PDE12: variants seen among roughly 807,000 people sequenced by gnomAD.
PDE12 encodes the protein 2',5'-phosphodiesterase 12.
A neutral mutation model predicts 45.4 loss-of-function variants in PDE12; 26 were observed. The ratio of observed to expected loss-of-function variants is 0.57; its 90% CI spans 0.42 to 0.79. The LOEUF is 0.79. Among genes scored for constraint, PDE12 ranks in the 30% least tolerant of loss-of-function variants. The pLI is 0.00. For missense variants in PDE12, 668 were observed against 790.0 expected (o/e 0.85, Z 1.85); for synonymous variants, 283 against 323.9 (o/e 0.87, Z 1.36).
At chr3:57,634,325 C>T in the PDE12 span, among the ~76,000 whole-genome samples, 1 of 151,046 alleles carries the variant, frequency 6.6e-6, no homozygotes, top group African/African-American at 2.4e-5. Flanking sequence ...TCCAGCTGCT[C>T]AGGAGGCTGA....
At chr3:57,573,739 G>A in the PDE12 span, among the ~76,000 whole-genome samples, 4 of 151,660 alleles carry the variant, frequency 2.6e-5, no homozygotes, top group Non-Finnish European at 5.9e-5. Flanking sequence ...GCACCACCAC[G>A]ACCAGCTAAT....
At chr3:57,577,415 T>C in the PDE12 span, 1 of 1,585,786 alleles carries the variant, frequency 6.3e-7, no homozygotes, top group East Asian at 2.2e-5. Context: ...CAGTAAATTT[T>C]AACAGTTAAA....
At chr3:57,596,825 G>A in the PDE12 span, 68,656 of 497,936 alleles carry the variant, frequency 0.14, 5,292 homozygotes, top group South Asian at 0.21. Flanking sequence ...AGATCAAGGA[G>A]AAAAAGCCGA....
chr3:57,620,404 A>T, the PDE12 span, among the ~76,000 whole-genome samples: 1 of 152,148 alleles, frequency 6.6e-6, no homozygotes, highest in African/African-American at 2.4e-5. Context: ...AAAGGTTTTA[A>T]AAAAGAAAAT....
At chr3:57,614,596 T>A in the PDE12 span, among the ~76,000 whole-genome samples, 1,649 of 139,866 alleles carry the variant, frequency 0.012, 30 homozygotes, top group African/African-American at 0.042. Flanking sequence ...CAGACTGGAG[T>A]GCAGTGGCGC....
At chr3:57,582,666 G>C in the PDE12 span, among the ~76,000 whole-genome samples, 1 of 152,070 alleles carries the variant, frequency 6.6e-6, no homozygotes, top group Non-Finnish European at 1.5e-5. Context: ...AACCCCACTT[G>C]TATGCAATGT....
At chr3:57,559,128 G>A (rs1299714507) in intron 1 of PDE12, among the ~76,000 whole-genome samples, 182 bp from the exon 2 acceptor site, 1 of 152,114 alleles carries the variant, frequency 6.6e-6, no homozygotes, top group African/African-American at 2.4e-5. Flanking sequence ...GGCAGAGGCA[G>A]GGGAATCGCT....
Position 57,556,950 on chromosome 3 carries a change from G to T in PDE12, c.571G>T (p.Ala191Ser). Residue 191 changes from alanine to serine, a missense_variant, in exon 1 of 3, where the codon GCC becomes TCC. By Grantham distance (99) the Ala-to-Ser change is moderately conservative. Around this residue, in one of 3 missense-constraint regions of PDE12, gnomAD observed 580 missense variants for 662.9 expected, o/e 0.87. Transcript: ENST00000311180. The surrounding 1 kb of genome is among the most constrained non-coding windows in gnomAD (Gnocchi z 5.0). The stretch of plus-strand genomic sequence containing the variant: ...ACTCAGCCTCGAATTTGGGGATCCC[G>T]CCAGCTCCCTTTTCCGCTGGTATAA... ...PKLSLEFGDP[A>S]SSLFRWYKEA... 3 of 1,614,164 alleles carry T rather than the reference G, an allele frequency of 1.9e-6. No individual in the cohort carries two copies. Among genetic ancestry groups the T allele is most frequent in the Non-Finnish European group, 2.5e-6 (3 of 1,180,038 alleles).
chr3:57,559,436 T>C lies in PDE12; in HGVS notation c.1387+48T>C, dbSNP rs757821156. On this transcript the variant is annotated intron_variant, in intron 2 of 2. Coordinates refer to ENST00000311180, the MANE Select transcript of PDE12 (RefSeq NM_177966.7). ...AGTGACTTAAACACGCTTAAAGTTG[T>C]TTAAAGTGTTTTACACAAATGCATA... The C allele has an allele frequency of 5.8e-6, 9 of 1,547,132 alleles. No individual in the cohort carries two copies. In the South Asian group the frequency reaches 1.0e-4, roughly 17 times the overall value.
the PDE12 span, chr3:57,600,080 C>G: frequency 3.3e-5 from 5 of 151,990 alleles, no homozygotes; most frequent in Admixed American, 6.6e-5. Flanking sequence ...GTCACCCAAG[C>G]TGAAGTACAG....
chr3:57,618,313 T>C, the PDE12 span, among the ~76,000 whole-genome samples: 1 of 152,206 alleles, frequency 6.6e-6, no homozygotes, highest in African/African-American at 2.4e-5. Context: ...ATAAATGAGG[T>C]TAATAACAGG....
Position 57,561,026 on chromosome 3 carries a change from G to T in PDE12, c.*1022G>T. Reference sequence around the variant, plus strand: ...TTAGTTTTTAGTGTATGGTACAAATGAACACAGTTTATATTCTAATTCTTA... The same window carrying T: ...TTAGTTTTTAGTGTATGGTACAAATTAACACAGTTTATATTCTAATTCTTA... On this transcript the variant is annotated 3_prime_UTR_variant, in exon 3 of 3. Transcript: ENST00000311180. The T allele has an allele frequency of 1.0e-6, 1 of 975,702 alleles. No individual in the cohort carries two copies. Among genetic ancestry groups the T allele is most frequent in the Non-Finnish European group, 1.2e-6 (1 of 820,760 alleles). 60.4% of individuals were successfully genotyped at this position (975,702 alleles called of 1,614,324 possible).
At chr3:57,605,270 C>A in the PDE12 span, among the ~76,000 whole-genome samples, 1 of 152,004 alleles carries the variant, frequency 6.6e-6, no homozygotes, top group Admixed American at 6.6e-5. Flanking sequence ...GAGAGCAGCA[C>A]AGAAAGAGAG....
the PDE12 span, among the ~76,000 whole-genome samples, chr3:57,653,468 G>A: frequency 1.3e-4 from 20 of 152,126 alleles, no homozygotes; most frequent in South Asian, 1.2e-3. Flanking sequence ...GTAGTAGGCC[G>A]GGCGCGGTGG....
the PDE12 span, among the ~76,000 whole-genome samples, chr3:57,637,614 T>C: frequency 6.6e-6 from 1 of 151,986 alleles, no homozygotes; most frequent in Admixed American, 6.6e-5. Flanking sequence ...GCACAACTTG[T>C]GCAGCATTTG....
At position 57,561,322 on chromosome 3, in the gene PDE12, A is replaced by G; in HGVS notation, c.*1318A>G. The G allele has an allele frequency of 1.2e-5, 12 of 985,168 alleles. No homozygotes were observed. Among genetic ancestry groups the G allele is most frequent in the Non-Finnish European group, 1.3e-5 (11 of 829,328 alleles). 61.0% of individuals were successfully genotyped at this position (985,168 alleles called of 1,614,324 possible). On this transcript the variant is annotated 3_prime_UTR_variant, in exon 3 of 3. Coordinates refer to ENST00000311180, the MANE Select transcript of PDE12 (RefSeq NM_177966.7). ...AAATTGTTGGTTTTTATAAACAGGA[A>G]AAAGGTTGAGTAGTGGGACTTTTAA...
chr3:57,654,637 A>G, the PDE12 span: 1 of 985,148 alleles, frequency 1.0e-6, no homozygotes, highest in Non-Finnish European at 1.2e-6. Flanking sequence ...ACTGCCCTTC[A>G]ATTCTAATCT....
At position 57,562,751 on chromosome 3, in the gene PDE12, C is replaced by G. The variant is rs969465480; in HGVS notation, c.*2747C>G. 2.6e-5 allele frequency: 4 copies of G among 152,234 alleles called. No individual in the cohort carries two copies. Among genetic ancestry groups the G allele is most frequent in the Non-Finnish European group, 5.9e-5 (4 of 68,040 alleles). 9.4% of individuals were successfully genotyped at this position (152,234 alleles called of 1,614,324 possible). A position where few individuals can be genotyped will look rare whatever the true frequency, so the allele number is the denominator to read the frequency against. ...ATGAACTCTTGCACAGTTGCCGCTA[C>G]AGCAAATGTGTCTGCCAATAATCAA... is the stretch of plus-strand genomic sequence containing the variant. On this transcript the variant is annotated 3_prime_UTR_variant, in exon 3 of 3. Coordinates refer to ENST00000311180, the MANE Select transcript of PDE12 (RefSeq NM_177966.7).
the PDE12 span, among the ~76,000 whole-genome samples, chr3:57,596,214 T>A: frequency 2.3e-4 from 35 of 152,256 alleles, no homozygotes; most frequent in Non-Finnish European, 4.3e-4. Flanking sequence ...AAAGAAATTT[T>A]AAAAAAATTG....
Sources: gnomAD v4.1 joint callset for allele counts (sites outside exome capture counted in the v4.1 genomes callset) on GRCh38, gnomAD v4.1.1 for gene constraint, gnomAD v4.1.1 regional missense constraint, Gnocchi (gnomAD v3.1) non-coding constraint, MANE v1.5 for transcripts, NCBI Gene and HGNC (gene_info 2026-07-23, HGNC 2026-07-21) for gene names.